Variants in GRAP2 observed in about 807,000 individuals in gnomAD.
GRAP2 encodes GRB2 related adaptor protein 2.
A neutral mutation model predicts 43.5 loss-of-function variants in GRAP2; 31 were observed. The ratio of observed to expected loss-of-function variants is 0.71; its 90% CI spans 0.54 to 0.96. GRAP2 has a LOEUF of 0.96. Among genes scored for constraint, GRAP2 ranks in the 40% least tolerant of loss-of-function variants. The probability of loss-of-function intolerance (pLI) is 0.00; values close to 1 mark genes in which losing one functional copy is unlikely to be tolerated. For synonymous variants in GRAP2, 156 were observed against 164.8 expected, an observed-to-expected ratio of 0.95 and a Z score of 0.41; for missense variants, 371 against 424.4, an observed-to-expected ratio of 0.87 and a Z score of 1.11.
chr22:39,897,265 T>A (rs2066469494), upstream of GRAP2, among the ~76,000 whole-genome samples: 1 of 152,150 alleles, frequency 6.6e-6, no homozygotes, highest in South Asian at 2.1e-4. Flanking sequence ...GGGAGTCACC[T>A]TAACTCCTGT....
intron 2 of GRAP2, among the ~76,000 whole-genome samples, chr22:39,951,900 G>A (rs963448287): frequency 1.3e-5 from 2 of 152,148 alleles, no homozygotes; most frequent in African/African-American, 4.8e-5. Flanking sequence ...AGCACCAGGT[G>A]GCGGAGAGAA....
chr22:39,895,003 G>A, the GRAP2 span, among the ~76,000 whole-genome samples: 1 of 152,176 alleles, frequency 6.6e-6, no homozygotes, highest in Non-Finnish European at 1.5e-5. Flanking sequence ...CATGTGTAAA[G>A]GCATGAAAGC....
intron 1 of GRAP2, among the ~76,000 whole-genome samples, chr22:39,926,203 T>C (rs1012974581): frequency 6.6e-6 from 1 of 152,204 alleles, no homozygotes; most frequent in Non-Finnish European, 1.5e-5. Flanking sequence ...GTCTTTTTGG[T>C]ATATTCATTC....
intron 1 of GRAP2, among the ~76,000 whole-genome samples, chr22:39,930,318 T>G (rs1290397402): frequency 6.6e-6 from 1 of 152,222 alleles, no homozygotes; most frequent in Non-Finnish European, 1.5e-5. Context: ...ACTGTTTAAG[T>G]GCACAGGCTG....
At chr22:39,895,121 G>A in the GRAP2 span, among the ~76,000 whole-genome samples, 2 of 152,154 alleles carry the variant, frequency 1.3e-5, no homozygotes, top group African/African-American at 4.8e-5. Flanking sequence ...GAGGGAAGTT[G>A]GATCATGAAG....
chr22:39,926,805 A>G (rs1199832317), intron 1 of GRAP2: 4 of 984,518 alleles, frequency 4.1e-6, no homozygotes, highest in South Asian at 4.7e-5. Flanking sequence ...CAATTCTGGA[A>G]CCCTGATCAC....
intron 1 of GRAP2, among the ~76,000 whole-genome samples, chr22:39,933,081 G>C (rs1240015015): frequency 1.3e-5 from 2 of 152,212 alleles, no homozygotes; most frequent in Non-Finnish European, 2.9e-5. Flanking sequence ...GGGTATGAGG[G>C]GGGCAGGCCC....
At chr22:39,952,495 G>A (rs2066996311) in intron 2 of GRAP2, among the ~76,000 whole-genome samples, 1 of 152,144 alleles carries the variant, frequency 6.6e-6, no homozygotes, top group Admixed American at 6.5e-5. Flanking sequence ...GTGCTCTTGT[G>A]TTTTTACGTG....
chr22:39,908,181 G>A (rs1212623861), intron 1 of GRAP2, among the ~76,000 whole-genome samples: 1 of 152,246 alleles, frequency 6.6e-6, no homozygotes, highest in Non-Finnish European at 1.5e-5. Flanking sequence ...TGGGAACAGA[G>A]GGAAATGACC....
At chr22:39,921,925 C>T (rs2066656270) in intron 1 of GRAP2, among the ~76,000 whole-genome samples, 1 of 152,084 alleles carries the variant, frequency 6.6e-6, no homozygotes, top group African/African-American at 2.4e-5. Context: ...CCAGCCTAAG[C>T]CTCCCCAAAA....
chr22:39,943,789 G>T (rs997397276), intron 1 of GRAP2, among the ~76,000 whole-genome samples: 1 of 149,434 alleles, frequency 6.7e-6, no homozygotes, highest in Non-Finnish European at 1.5e-5. Context: ...GTGCAATCTC[G>T]GCTCACTGCA....
chr22:39,916,307 C>G (rs1731159430), intron 1 of GRAP2, among the ~76,000 whole-genome samples: 1 of 152,174 alleles, frequency 6.6e-6, no homozygotes, highest in African/African-American at 2.4e-5. Flanking sequence ...GGCAGAGGAT[C>G]AAGGAGAGAA....
chr22:39,912,844 A>G (rs1419641601), intron 1 of GRAP2, among the ~76,000 whole-genome samples: 1 of 152,016 alleles, frequency 6.6e-6, no homozygotes, highest in Non-Finnish European at 1.5e-5. Context: ...GAAAGGAGAC[A>G]TCTAGGACCA....
At chr22:39,912,920 C>CGGTG (rs1018413331) in intron 1 of GRAP2, among the ~76,000 whole-genome samples, 1 of 151,746 alleles carries the variant, frequency 6.6e-6, no homozygotes, top group Non-Finnish European at 1.5e-5. Flanking sequence ...AGGCCGGTCA[C>CGGTG]GGTGGCTCAC....
At chr22:39,954,940 G>A (rs756767298) in intron 2 of GRAP2, among the ~76,000 whole-genome samples, 1 of 152,168 alleles carries the variant, frequency 6.6e-6, no homozygotes, top group South Asian at 2.1e-4. Flanking sequence ...AAGTATCTTG[G>A]GTTCCAGCCA....
At chr22:39,970,642 C>T (rs139415277) in intron 7 of GRAP2, among the ~76,000 whole-genome samples, 146 of 152,212 alleles carry the variant, frequency 9.6e-4, no homozygotes, top group African/African-American at 3.3e-3. Flanking sequence ...GCAGGGTAGC[C>T]GGGCATGGTG....
At chr22:39,930,048 T>C (rs1171359017) in intron 1 of GRAP2, among the ~76,000 whole-genome samples, 2 of 152,244 alleles carry the variant, frequency 1.3e-5, no homozygotes, top group Non-Finnish European at 2.9e-5. Context: ...TAATGCAAAG[T>C]ATCTCAATAA....
upstream of GRAP2, among the ~76,000 whole-genome samples, chr22:39,896,508 C>A (rs1182088675): frequency 2.0e-5 from 3 of 152,042 alleles, no homozygotes; most frequent in African/African-American, 7.2e-5. Context: ...TGAATCTGAG[C>A]AACAGGTGGG....
chr22:39,896,314 T>TA (rs1569187210), upstream of GRAP2, among the ~76,000 whole-genome samples: 1 of 152,180 alleles, frequency 6.6e-6, no homozygotes, highest in Non-Finnish European at 1.5e-5. Context: ...CATGTAATGT[T>TA]AAAGTGTAGC....
Sources: gnomAD v4.1 joint callset for allele counts (sites outside exome capture counted in the v4.1 genomes callset) on GRCh38, gnomAD v4.1.1 for gene constraint, MANE v1.5 for transcripts, NCBI Gene and HGNC (gene_info 2026-07-23, HGNC 2026-07-21) for gene names.